The following KSR2 variants were observed in gnomAD, a reference collection of about 807,000 sequenced individuals.
KSR2 encodes kinase suppressor of ras 2.
In KSR2, 25 loss-of-function variants were observed where a neutral mutation model predicts 107.8. That is an observed-to-expected ratio of 0.23 (90% CI 0.17 to 0.32). The LOEUF (loss-of-function observed/expected upper bound fraction) is 0.32. Ranked by LOEUF, KSR2 falls within the 10% of genes least tolerant of loss-of-function variation. The pLI, the probability that KSR2 is intolerant of heterozygous loss-of-function variation, is 1.00. For missense variants in KSR2, 887 were observed against 1,268.9 expected (o/e 0.70, Z 4.57); for synonymous variants, 480 against 507.0 (o/e 0.95, Z 0.71).
intron 3 of KSR2, among the ~76,000 whole-genome samples, chr12:117,845,678 CTTTCTTTTTT>C (rs918330609): frequency 1.3e-5 from 2 of 149,854 alleles, no homozygotes; most frequent in African/African-American, 4.9e-5. Context: ...GACTCTTTTT[CTTTCTTTTTT>C]TTTTTTTCCT....
chr12:117,478,068 G>A (rs1382465558), intron 16 of KSR2, among the ~76,000 whole-genome samples: 1 of 152,140 alleles, frequency 6.6e-6, no homozygotes, highest in East Asian at 1.9e-4. Context: ...CAGGGGAAGG[G>A]AGCAGTCAGC....
At chr12:117,536,056 C>T (rs111812804) in intron 10 of KSR2, among the ~76,000 whole-genome samples, 10 of 152,280 alleles carry the variant, frequency 6.6e-5, no homozygotes, top group Middle Eastern at 6.8e-3. Flanking sequence ...CGAGGCTGCA[C>T]ACGCCATTCT....
At chr12:117,631,697 T>G (rs1052330735) in intron 5 of KSR2, among the ~76,000 whole-genome samples, 1 of 152,184 alleles carries the variant, frequency 6.6e-6, no homozygotes, top group Non-Finnish European at 1.5e-5. Flanking sequence ...GAAACCCCAG[T>G]GTTTGTCATG....
At chr12:117,567,738 T>C (rs527769211) in intron 7 of KSR2, among the ~76,000 whole-genome samples, 1 of 151,930 alleles carries the variant, frequency 6.6e-6, no homozygotes, top group Non-Finnish European at 1.5e-5. Flanking sequence ...ATACCCCAAC[T>C]GAGCATTCTG....
intron 3 of KSR2, among the ~76,000 whole-genome samples, chr12:117,795,993 C>T (rs1353348532): frequency 1.3e-5 from 2 of 152,210 alleles, no homozygotes; most frequent in African/African-American, 4.8e-5. Flanking sequence ...GTGGTATGAA[C>T]ACAGCTCATT....
intron 1 of KSR2, among the ~76,000 whole-genome samples, chr12:117,906,285 A>G (rs939231901): frequency 4.1e-5 from 6 of 147,626 alleles, no homozygotes; most frequent in African/African-American, 1.5e-4. Context: ...CCTGGGAGGC[A>G]GAGGTTGTGG....
chr12:117,723,280 G>GT (rs2136695350), intron 4 of KSR2, among the ~76,000 whole-genome samples: 1 of 151,016 alleles, frequency 6.6e-6, no homozygotes, highest in East Asian at 1.9e-4. Flanking sequence ...GACATTCCAC[G>GT]TATCTTAATT....
chr12:117,834,104 G>A (rs1192157032), intron 3 of KSR2, among the ~76,000 whole-genome samples: 1 of 151,308 alleles, frequency 6.6e-6, no homozygotes, highest in Non-Finnish European at 1.5e-5. Context: ...TCAGGCTACT[G>A]CACTCAAGCC....
chr12:117,955,944 T>C (rs1340053495), intron 1 of KSR2, among the ~76,000 whole-genome samples: 2 of 151,776 alleles, frequency 1.3e-5, no homozygotes, highest in Admixed American at 6.6e-5. Flanking sequence ...CATTTTAACA[T>C]GTCAATATAA....
At chr12:117,785,056 G>A (rs990612351) in intron 3 of KSR2, among the ~76,000 whole-genome samples, 10 of 152,170 alleles carry the variant, frequency 6.6e-5, no homozygotes, top group Admixed American at 6.5e-4. Flanking sequence ...AAATCTCCAG[G>A]AGATACTCCA....
chr12:117,726,194 A>T (rs1887417609), intron 4 of KSR2, among the ~76,000 whole-genome samples: 1 of 152,122 alleles, frequency 6.6e-6, no homozygotes, highest in Admixed American at 6.5e-5. Flanking sequence ...AAAATAAAAT[A>T]AAAATTTTTT....
chr12:117,944,404 C>T lies in KSR2; in HGVS notation c.180+23672G>A, dbSNP rs187231152. On this transcript the variant is annotated intron_variant, in intron 1 of 19. Transcript: ENST00000339824. ...AATAAATAAATAAATTACCCAGTCT[C>T]GGGTATGTCTTTATCAGCAACATGA... Among the ~76,000 whole-genome samples the T allele has an allele frequency of 1.1e-3, 161 of 151,936 alleles. 2 individuals are homozygous for T. In the East Asian group the frequency reaches 0.026, roughly 25 times the overall value.
chr12:117,670,526 A>G (rs558015302), intron 4 of KSR2, among the ~76,000 whole-genome samples: 1 of 152,116 alleles, frequency 6.6e-6, no homozygotes, highest in East Asian at 1.9e-4. Context: ...CTACATCATC[A>G]CCCACCCCGA....
chr12:117,738,454 T>G (rs906343847), intron 4 of KSR2, among the ~76,000 whole-genome samples: 4 of 152,328 alleles, frequency 2.6e-5, no homozygotes, highest in African/African-American at 9.6e-5. Context: ...CTATTGCTCC[T>G]GGGCTACAAA....
intron 9 of KSR2, among the ~76,000 whole-genome samples, chr12:117,551,446 A>C (rs1242813368): frequency 6.6e-6 from 1 of 152,192 alleles, no homozygotes; most frequent in Admixed American, 6.5e-5. Context: ...GATACCTCCT[A>C]TTATGTCTAT....
chr12:117,916,017 T>A (rs917029488), intron 1 of KSR2, among the ~76,000 whole-genome samples: 19 of 152,064 alleles, frequency 1.2e-4, no homozygotes, highest in African/African-American at 4.6e-4. Context: ...CATTCTGATA[T>A]CCTCATTCAT....
chr12:117,645,575 C>T (rs1883579439), intron 5 of KSR2, among the ~76,000 whole-genome samples: 1 of 152,148 alleles, frequency 6.6e-6, no homozygotes, highest in South Asian at 2.1e-4. Context: ...TGAGTTTACA[C>T]CCATGTAGAG....
Position 117,746,824 on chromosome 12 carries a change from A to T in KSR2, c.986+14187T>A, listed in dbSNP as rs1888427965. Among the ~76,000 whole-genome samples, 2 of 151,284 alleles carry T rather than the reference A, an allele frequency of 1.3e-5. 1 individual carries two copies. Among genetic ancestry groups the T allele is most frequent in the South Asian group, 4.2e-4 (2 of 4,802 alleles). ...ATTTATGCAGCCAAAAAACATATAAAAAAAAAAAGCTCATCGTCACTGATC... is the reference window on the plus strand; with the variant it reads ...ATTTATGCAGCCAAAAAACATATAATAAAAAAAAGCTCATCGTCACTGATC... On this transcript the variant is annotated intron_variant, in intron 4 of 19. Coordinates refer to ENST00000339824, the MANE Select transcript of KSR2 (RefSeq NM_173598.6).
Position 117,803,155 on chromosome 12 carries a change from C to T in KSR2, c.473-41631G>A, listed in dbSNP as rs182590201. Among the ~76,000 whole-genome samples, 349 of 152,154 alleles carry T rather than the reference C, an allele frequency of 2.3e-3. 3 individuals carry two copies. The highest frequency in any genetic ancestry group is 6.9e-3 in the African/African-American group (288 of 41,486). On this transcript the variant is annotated intron_variant, in intron 3 of 19. Transcript: ENST00000339824. ...TGTACAGAGTTAAGTAATAACAAGC[C>T]CTTGTCAGAGTGATTTATTGGGCAT...
Sources: allele counts gnomAD v4.1 joint callset (sites outside exome capture counted in the v4.1 genomes callset), GRCh38; gene constraint gnomAD v4.1.1; transcripts MANE v1.5; gene names NCBI Gene and HGNC (gene_info 2026-07-23, HGNC 2026-07-21).